EFCAB14: variants seen among roughly 807,000 people sequenced by gnomAD.
EFCAB14 encodes the protein EF-hand calcium-binding domain-containing protein 14.
EFCAB14 carries 43 observed loss-of-function variants against 56.5 expected under a neutral mutation model. The ratio of observed to expected loss-of-function variants is 0.76; its 90% CI spans 0.60 to 0.98. The LOEUF is 0.98. Ranked by LOEUF, EFCAB14 falls within the 50% of genes least tolerant of loss-of-function variation. The pLI, the probability that EFCAB14 is intolerant of heterozygous loss-of-function variation, is 0.00. For missense variants in EFCAB14, 538 were observed against 580.3 expected (o/e 0.93, Z 0.75); for synonymous variants, 235 against 212.9 (o/e 1.10, Z -0.90).
At chr1:46,688,011 C>T (rs1451571009) in intron 7 of EFCAB14, among the ~76,000 whole-genome samples, 1 of 152,092 alleles carries the variant, frequency 6.6e-6, no homozygotes, top group Non-Finnish European at 1.5e-5. Flanking sequence ...AAGAAAAGAC[C>T]CAAAAGGCCC....
chr1:46,702,105 T>C (rs1451784114), intron 3 of EFCAB14, among the ~76,000 whole-genome samples: 2 of 152,226 alleles, frequency 1.3e-5, no homozygotes, highest in Non-Finnish European at 2.9e-5. Context: ...ATAGAACCCA[T>C]TAAGAAAAAT....
At chr1:46,710,919 C>G (rs751608696) in intron 2 of EFCAB14, among the ~76,000 whole-genome samples, 2 of 152,178 alleles carry the variant, frequency 1.3e-5, no homozygotes, top group South Asian at 4.1e-4. Context: ...GTTCCCAGCT[C>G]ATTTCACTTA....
intron 6 of EFCAB14, among the ~76,000 whole-genome samples, 165 bp downstream of exon 6, chr1:46,689,422 T>C (rs1676954058): frequency 6.6e-6 from 1 of 152,032 alleles, no homozygotes. Flanking sequence ...AGGACAGCAA[T>C]ATGGATCCCC....
At chr1:46,687,460 T>G (rs925190860) in intron 7 of EFCAB14, among the ~76,000 whole-genome samples, 11 of 152,204 alleles carry the variant, frequency 7.2e-5, no homozygotes, top group African/African-American at 2.4e-4. Context: ...CAAAGCCAAG[T>G]CCAGGCAACT....
chr1:46,694,994 T>G (rs1211014212), intron 4 of EFCAB14, among the ~76,000 whole-genome samples: 1 of 147,606 alleles, frequency 6.8e-6, no homozygotes, highest in East Asian at 2.0e-4. Flanking sequence ...AACCAAACAC[T>G]GCATGTTCTC....
chr1:46,706,721 T>C (rs1373948748), intron 3 of EFCAB14, among the ~76,000 whole-genome samples: 1 of 152,196 alleles, frequency 6.6e-6, no homozygotes, highest in African/African-American at 2.4e-5. Flanking sequence ...TTTCTCTAAT[T>C]ACTTAGAGTC....
chr1:46,702,031 C>G (rs1677166240), intron 3 of EFCAB14, among the ~76,000 whole-genome samples: 1 of 152,192 alleles, frequency 6.6e-6, no homozygotes, highest in East Asian at 1.9e-4. Flanking sequence ...TCTAGAATGT[C>G]AGATCAGATT....
chr1:46,692,643 C>T (rs922239728), intron 4 of EFCAB14, among the ~76,000 whole-genome samples: 1 of 152,094 alleles, frequency 6.6e-6, no homozygotes, highest in Non-Finnish European at 1.5e-5. Context: ...AATATTGGTA[C>T]AGTCATTCTT....
intron 8 of EFCAB14, among the ~76,000 whole-genome samples, chr1:46,685,543 A>C (rs1398093190): frequency 6.6e-6 from 1 of 152,250 alleles, no homozygotes; most frequent in East Asian, 1.9e-4. Flanking sequence ...TAGGTACTAA[A>C]TGTTTGAAGA....
chr1:46,687,422 G>C (rs1433798610), intron 7 of EFCAB14, among the ~76,000 whole-genome samples: 1 of 152,136 alleles, frequency 6.6e-6, no homozygotes, highest in Admixed American at 6.5e-5. Flanking sequence ...AAAGCAGGAG[G>C]GGGAACAGGT....
intron 3 of EFCAB14, among the ~76,000 whole-genome samples, chr1:46,705,362 G>A (rs904379123): frequency 2.0e-5 from 3 of 152,206 alleles, no homozygotes; most frequent in African/African-American, 4.8e-5. Context: ...CATAGATGAA[G>A]CCCTAGGACA....
chr1:46,718,786 G>A lies in EFCAB14; in HGVS notation c.-699C>T, dbSNP rs1348386127. On this transcript the variant is annotated 5_prime_UTR_variant, in exon 1 of 11. Transcript: ENST00000371933. The stretch of plus-strand genomic sequence containing the variant: ...GGGGCCCGAGGCCGAGGAAGATCCG[G>A]AGCCCGGCTAGAAGGGTCGGCCTGA... 1 of 152,362 alleles carries A rather than the reference G, an allele frequency of 6.6e-6. No homozygotes were observed. Among genetic ancestry groups the A allele is most frequent in the Non-Finnish European group, 1.5e-5 (1 of 68,144 alleles). The allele number at this position is 152,362 out of a possible 1,614,324, so 9.4% of individuals were successfully genotyped here.
At chr1:46,707,212 T>A (rs1030317251) in intron 3 of EFCAB14, among the ~76,000 whole-genome samples, 3 of 152,206 alleles carry the variant, frequency 2.0e-5, no homozygotes, top group Non-Finnish European at 4.4e-5. Context: ...GGTACTTGAC[T>A]TTTCTTTTCT....
chr1:46,689,529 T>G, intron 6 of EFCAB14, 58 bp downstream of exon 6: 1 of 1,542,382 alleles, frequency 6.5e-7, no homozygotes, highest in Non-Finnish European at 9.0e-7. Context: ...CCCAAACTAT[T>G]TGGCTGCCTC....
At chr1:46,700,976 A>AGAGT (rs1553123117) in intron 3 of EFCAB14, among the ~76,000 whole-genome samples, 3 of 121,012 alleles carry the variant, frequency 2.5e-5, no homozygotes, top group East Asian at 2.3e-4. Context: ...AGAGAGAGAG[A>AGAGT]GAGTGAGTGA....
At chr1:46,708,110 ATG>A in intron 2 of EFCAB14, 59 bp from the exon 3 acceptor site, 1 of 1,487,480 alleles carries the variant, frequency 6.7e-7, no homozygotes, top group South Asian at 1.4e-5. Context: ...TGGTCCTAAG[ATG>A]AAAAAATCAT....
At chr1:46,682,944 C>A (rs1676818728) in intron 10 of EFCAB14, among the ~76,000 whole-genome samples, 1 of 152,120 alleles carries the variant, frequency 6.6e-6, no homozygotes, top group African/African-American at 2.4e-5. Flanking sequence ...ATTGCTTAAC[C>A]CTGGGAGGCA....
chr1:46,717,021 G>A (rs910583780), intron 1 of EFCAB14, among the ~76,000 whole-genome samples: 1 of 152,162 alleles, frequency 6.6e-6, no homozygotes, highest in African/African-American at 2.4e-5. Context: ...CAACCTTCAA[G>A]GTCTAAACTA....
chr1:46,683,209 A>G, intron 10 of EFCAB14, 91 bp downstream of exon 10: 1 of 1,418,890 alleles, frequency 7.0e-7, no homozygotes, highest in Non-Finnish European at 9.7e-7. Flanking sequence ...AATAAATGTT[A>G]GATCATATAT....
Sources: gnomAD v4.1 joint callset for allele counts (sites outside exome capture counted in the v4.1 genomes callset) on GRCh38, gnomAD v4.1.1 for gene constraint, MANE v1.5 for transcripts, NCBI Gene and HGNC (gene_info 2026-07-23, HGNC 2026-07-21) for gene names.